CMC4: variants seen among roughly 807,000 people sequenced by gnomAD.
The protein encoded by CMC4 is cx9C motif-containing protein 4.
In CMC4, 4 loss-of-function variants were observed where a neutral mutation model predicts 5.1. That is an observed-to-expected ratio of 0.78 (90% confidence interval 0.38 to 1.78). The LOEUF (loss-of-function observed/expected upper bound fraction) is 1.78, where lower values mean the gene tolerates loss of function less well. CMC4 is among the 40% of genes most tolerant of loss of function. The probability of loss-of-function intolerance (pLI) is 0.04; values close to 1 mark genes in which losing one functional copy is unlikely to be tolerated. For synonymous variants in CMC4, 23 were observed against 18.9 expected (o/e 1.22, Z -0.57); for missense variants, 52 against 51.3 (o/e 1.01, Z -0.04).
intron 1 of CMC4, among the ~76,000 whole-genome samples, chrX:155,068,795 A>G (rs1246650707): frequency 8.9e-6 from 1 of 112,531 alleles, no homozygotes. Context: ...TTTGCACATG[A>G]TACTTGTTTA....
At chrX:155,062,579 C>T (rs1472821863) in intron 2 of CMC4, among the ~76,000 whole-genome samples, 2 of 112,160 alleles carry the variant, frequency 1.8e-5, no homozygotes, top group Non-Finnish European at 3.8e-5. Flanking sequence ...CAGATCCCTA[C>T]TATACATAAA....
chrX:155,068,044 AAAT>A (rs782473889), intron 1 of CMC4, among the ~76,000 whole-genome samples: 12 of 112,362 alleles, frequency 1.1e-4, no homozygotes, highest in Non-Finnish European at 2.3e-4. Flanking sequence ...TGTCAAAATA[AAAT>A]ATATTAAATT....
At position 155,067,949 on chromosome X, in the gene CMC4, C is replaced by T. The variant is rs781823501; in HGVS notation, c.-11+2745G>A. Among the ~76,000 whole-genome samples, 7 of 112,383 alleles carry T rather than the reference C, an allele frequency of 6.2e-5. No homozygotes were observed. In the South Asian group the frequency reaches 2.2e-3, roughly 36 times the overall value. On this transcript the variant is annotated intron_variant, in intron 1 of 2. Coordinates refer to ENST00000369484, the MANE Select transcript of CMC4 (RefSeq NM_001018024.3). ...TTTTTCCAAAGCCCCCCTTTTTTCCCATTTGCAGATACAGTTGTTTTGCCT... is the reference window on the plus strand; with the variant it reads ...TTTTTCCAAAGCCCCCCTTTTTTCCTATTTGCAGATACAGTTGTTTTGCCT...
intron 1 of CMC4, among the ~76,000 whole-genome samples, chrX:155,066,798 AG>A (rs1164382145): frequency 9.0e-6 from 1 of 111,576 alleles, no homozygotes; most frequent in African/African-American, 3.3e-5. Context: ...AGGATGTTAC[AG>A]GAGCCCATTT....
At chrX:155,062,089 C>T (rs948633639) in intron 2 of CMC4, 98 bp from the exon 3 acceptor site, 39 of 837,829 alleles carry the variant, frequency 4.7e-5, no homozygotes, top group Admixed American at 7.5e-5. Flanking sequence ...CTTTCAGTAC[C>T]TATGGAACTG....
intron 1 of CMC4, chrX:155,065,860 T>C: frequency 8.4e-7 from 1 of 1,196,156 alleles, no homozygotes; most frequent in Non-Finnish European, 1.1e-6. Context: ...GAAACCAAGT[T>C]ACTTGAAAGC....
At chrX:155,069,526 G>A (rs1484698617) in intron 1 of CMC4, among the ~76,000 whole-genome samples, 1 of 112,189 alleles carries the variant, frequency 8.9e-6, no homozygotes, top group Non-Finnish European at 1.9e-5. Flanking sequence ...GGCGCTATGA[G>A]GTGGGCAGAA....
chrX:155,061,748 T>G lies in CMC4; in HGVS notation c.*95A>C. 1.9e-6 allele frequency: 2 copies of G among 1,043,781 alleles called. No individual in the cohort carries two copies. The highest frequency in any genetic ancestry group is 2.6e-6 in the Non-Finnish European group (2 of 773,609). 86.0% of individuals were successfully genotyped at this position (1,043,781 alleles called of 1,213,427 possible). A position where few individuals can be genotyped will look rare whatever the true frequency, so the allele number is the denominator to read the frequency against. ...TATTCATTAACTTTTGTAGCTGACT[T>G]TTTCATTTGCTATTTGCTGCTACCT... On this transcript the variant is annotated 3_prime_UTR_variant, in exon 3 of 3. Coordinates refer to ENST00000369484, the MANE Select transcript of CMC4 (RefSeq NM_001018024.3).
At chrX:155,069,455 T>C (rs1241164974) in intron 1 of CMC4, among the ~76,000 whole-genome samples, 1 of 112,309 alleles carries the variant, frequency 8.9e-6, no homozygotes, top group Non-Finnish European at 1.9e-5. Context: ...TGATAGTCTT[T>C]ATTTAGCATT....
intron 1 of CMC4, among the ~76,000 whole-genome samples, chrX:155,067,663 C>T (rs782054551): frequency 2.7e-5 from 3 of 112,464 alleles, no homozygotes; most frequent in East Asian, 5.5e-4. Flanking sequence ...AACAAAGTCA[C>T]CTTACACATT....
rs181813855 is a variant in CMC4 at position 155,061,943 on chromosome X, C to T, written c.107G>A (p.Arg36His). 1.2e-4 allele frequency: 141 copies of T among 1,209,521 alleles called. No individual in the cohort carries two copies. Among genetic ancestry groups the T allele is most frequent in the Admixed American group, 7.2e-4 (33 of 45,713 alleles). ...SKCQAVIQEL[R>H]KCCAQYPKGR... The stretch of plus-strand genomic sequence containing the variant: ...CTTGGGATACTGAGCACAACACTTA[C>T]GCAGTTCTTGGATGACAGCCTGACA... The change falls in exon 3 of 3, where the codon CGT becomes CAT. Residue 36 changes from arginine (R) to histidine (H), a missense_variant. Transcript: ENST00000369484.
intron 2 of CMC4, among the ~76,000 whole-genome samples, chrX:155,063,488 A>G (rs1176099008): frequency 8.9e-6 from 1 of 112,028 alleles, no homozygotes; most frequent in Admixed American, 9.5e-5. Flanking sequence ...TGGACAAATC[A>G]CCTCAAATAT....
At position 155,065,519 on chromosome X, in the gene CMC4, G is replaced by T. The variant is rs1160420417; in HGVS notation, c.-10-1486C>A. 3.3e-6 allele frequency: 4 copies of T among 1,209,752 alleles called. No individual in the cohort carries two copies. The highest frequency in any genetic ancestry group is 4.5e-6 in the Non-Finnish European group (4 of 894,538). On this transcript the variant is annotated intron_variant, in intron 1 of 2. Transcript: ENST00000369484. ...TCATCAGGCAAAAGCTTAAGCAACAGCTCCTGTACTCCCCTGACCTGTCAG... is the reference window on the plus strand; with the variant it reads ...TCATCAGGCAAAAGCTTAAGCAACATCTCCTGTACTCCCCTGACCTGTCAG...
chrX:155,061,781 A>C lies in CMC4; in HGVS notation c.*62T>G. The C allele has an allele frequency of 3.5e-6, 4 of 1,156,573 alleles. No homozygotes were observed. The South Asian group carries it at 6.1e-5, about 18-fold the overall frequency. On this transcript the variant is annotated 3_prime_UTR_variant, in exon 3 of 3. Coordinates refer to ENST00000369484, the MANE Select transcript of CMC4 (RefSeq NM_001018024.3). Reference sequence around the variant, plus strand: ...TGCTATTTGCTGCTACCTGGCCTGAAGAGTCAGGAGGATAAAAAAAATTCA... The same window carrying C: ...TGCTATTTGCTGCTACCTGGCCTGACGAGTCAGGAGGATAAAAAAAATTCA...
intron 1 of CMC4, among the ~76,000 whole-genome samples, chrX:155,070,213 C>CA (rs1300753086): frequency 1.8e-5 from 2 of 111,887 alleles, no homozygotes; most frequent in Non-Finnish European, 3.8e-5. Context: ...ATCAACACTT[C>CA]AAGTAGCACC....
intron 1 of CMC4, among the ~76,000 whole-genome samples, chrX:155,066,935 T>G (rs2073950403): frequency 8.9e-6 from 1 of 112,134 alleles, no homozygotes; most frequent in African/African-American, 3.2e-5. Context: ...ATAACGATCC[T>G]CTGCCCAAGC....
chrX:155,064,801 G>GA (rs1214740910), intron 1 of CMC4: 1 of 112,078 alleles, frequency 8.9e-6, no homozygotes, highest in Non-Finnish European at 1.9e-5. Context: ...ATTTCAGATA[G>GA]AAAAAAAGGC....
At chrX:155,063,840 A>G (rs1010880059) in intron 2 of CMC4, 126 bp downstream of exon 2, 2 of 529,035 alleles carry the variant, frequency 3.8e-6, no homozygotes, top group Non-Finnish European at 6.2e-6. Context: ...AATGAAGAGA[A>G]TCTTCAGGAT....
intron 1 of CMC4, among the ~76,000 whole-genome samples, chrX:155,066,736 G>A (rs1382704720): frequency 1.8e-5 from 2 of 112,232 alleles, no homozygotes; most frequent in African/African-American, 6.5e-5. Context: ...AGCTGAGTGA[G>A]TGCAAATGAA....
Sources: gnomAD v4.1 joint callset for allele counts (sites outside exome capture counted in the v4.1 genomes callset) on GRCh38, gnomAD v4.1.1 for gene constraint, MANE v1.5 for transcripts, NCBI Gene and HGNC (gene_info 2026-07-23, HGNC 2026-07-21) for gene names.